RNF220: variants seen among roughly 807,000 people sequenced by gnomAD.
The protein encoded by RNF220 is ring finger protein 220.
A neutral mutation model predicts 67.1 loss-of-function variants in RNF220; 7 were observed. The ratio of observed to expected loss-of-function variants is 0.10; its 90% confidence interval spans 0.06 to 0.20. RNF220 has a LOEUF of 0.20. Among genes scored for constraint, RNF220 ranks in the 10% least tolerant of loss-of-function variants. The pLI, the probability that RNF220 is intolerant of heterozygous loss-of-function variation, is 1.00. For missense variants in RNF220, 565 were observed against 740.3 expected (o/e 0.76, Z 2.75); for synonymous variants, 270 against 283.2 (o/e 0.95, Z 0.47).
chr1:44,500,641 C>T (rs998406906), intron 2 of RNF220, among the ~76,000 whole-genome samples: 2 of 152,170 alleles, frequency 1.3e-5, no homozygotes, highest in African/African-American at 4.8e-5. Flanking sequence ...TAGACCTTTC[C>T]TCCCCAGCGG....
At chr1:44,625,032 A>T (rs200542243) in intron 4 of RNF220, among the ~76,000 whole-genome samples, 1 of 11,502 alleles carries the variant, frequency 8.7e-5, no homozygotes, top group Non-Finnish European at 1.6e-4. Flanking sequence ...AGAATGAGAG[A>T]GAGAGAGAGA....
At chr1:44,408,157 C>T (rs1265315400) in intron 1 of RNF220, among the ~76,000 whole-genome samples, 1 of 152,164 alleles carries the variant, frequency 6.6e-6, no homozygotes, top group African/African-American at 2.4e-5. Context: ...CTCTTCTTCC[C>T]CCGTTTTCCC....
At chr1:44,639,211 G>A (rs1398494413) in intron 8 of RNF220, among the ~76,000 whole-genome samples, 3 of 152,214 alleles carry the variant, frequency 2.0e-5, no homozygotes, top group Admixed American at 2.0e-4. Context: ...TCCACCTGTA[G>A]TCTAAGGAGG....
intron 2 of RNF220, among the ~76,000 whole-genome samples, chr1:44,551,421 T>TG (rs1304293385): frequency 6.6e-6 from 1 of 151,548 alleles, no homozygotes; most frequent in African/African-American, 2.4e-5. Flanking sequence ...GGCCATTTTT[T>TG]TTGTTATTAT....
chr1:44,411,961 T>G lies in RNF220; in HGVS notation c.-117-20T>G. On this transcript the variant is annotated intron_variant, in intron 1 of 14. Coordinates refer to ENST00000361799, the MANE Select transcript of RNF220 (RefSeq NM_018150.4). The stretch of plus-strand genomic sequence containing the variant: ...CTGACTTTCCTCCCCCTTCTTTTTT[T>G]CTCTTTGCTGTTTCTACAGGTCTTA... The G allele has an allele frequency of 1.0e-6, 1 of 984,924 alleles. No individual in the cohort carries two copies. The highest frequency in any genetic ancestry group is 3.1e-5 in the Admixed American group (1 of 31,976). 61.0% of individuals were successfully genotyped at this position (984,924 alleles called of 1,614,324 possible). A position where few individuals can be genotyped will look rare whatever the true frequency, so the allele number is the denominator to read the frequency against.
At chr1:44,550,589 G>A (rs1223479747) in intron 2 of RNF220, among the ~76,000 whole-genome samples, 1 of 152,176 alleles carries the variant, frequency 6.6e-6, no homozygotes, top group Non-Finnish European at 1.5e-5. Context: ...GATGCAGAAA[G>A]GTTGCTTTCC....
At chr1:44,426,624 G>T in intron 2 of RNF220, among the ~76,000 whole-genome samples, 1 of 151,932 alleles carries the variant, frequency 6.6e-6, no homozygotes, top group East Asian at 1.9e-4. Context: ...CTACCTGGGA[G>T]GCTAAGGCAG....
intron 2 of RNF220, among the ~76,000 whole-genome samples, chr1:44,588,217 C>T (rs186324338): frequency 3.5e-4 from 53 of 152,302 alleles, no homozygotes; most frequent in African/African-American, 1.2e-3. Context: ...CTCTGGGAGC[C>T]GGGCTGTTCT....
intron 2 of RNF220, among the ~76,000 whole-genome samples, chr1:44,517,693 T>C (rs765029890): frequency 1.4e-4 from 21 of 152,250 alleles, no homozygotes; most frequent in Admixed American, 3.3e-4. Context: ...TCATCAACAC[T>C]GTGCACAGCA....
At chr1:44,572,447 T>A (rs1400253693) in intron 2 of RNF220, among the ~76,000 whole-genome samples, 1 of 152,228 alleles carries the variant, frequency 6.6e-6, no homozygotes, top group Admixed American at 6.5e-5. Context: ...ATGCATCATG[T>A]GGTTCTGTAA....
intron 2 of RNF220, among the ~76,000 whole-genome samples, chr1:44,446,803 C>T (rs935836736): frequency 5.9e-5 from 9 of 152,204 alleles, no homozygotes; most frequent in African/African-American, 2.2e-4. Context: ...GTGATCTGCC[C>T]ACCTCGGCCT....
intron 2 of RNF220, among the ~76,000 whole-genome samples, chr1:44,568,910 CAGA>C (rs1302888143): frequency 8.0e-6 from 1 of 125,416 alleles, no homozygotes; most frequent in African/African-American, 3.2e-5. Context: ...GGTTTGGGTC[CAGA>C]CAGACTGGGT....
At chr1:44,413,451 T>C (rs973262995) in intron 2 of RNF220, among the ~76,000 whole-genome samples, 1 of 152,256 alleles carries the variant, frequency 6.6e-6, no homozygotes, top group East Asian at 1.9e-4. Context: ...AACAGCTTTT[T>C]TTCATGTTCT....
In RNF220 at chr1:44,650,193, G is replaced by A. The variant is rs369176776; in HGVS notation, c.1629+236G>A. 14 of 586,368 alleles carry A rather than the reference G, an allele frequency of 2.4e-5. No homozygotes were observed. Among genetic ancestry groups the A allele is most frequent in the African/African-American group, 9.4e-5 (5 of 53,400 alleles). 36.3% of individuals were successfully genotyped at this position (586,368 alleles called of 1,614,324 possible). A position where few individuals can be genotyped will look rare whatever the true frequency, so the allele number is the denominator to read the frequency against. On this transcript the variant is annotated intron_variant, in intron 14 of 14. Coordinates refer to ENST00000361799, the MANE Select transcript of RNF220 (RefSeq NM_018150.4). The surrounding 1 kb of genome is among the most constrained non-coding windows in gnomAD (Gnocchi z 4.3). ...GAGTTCACTGCATTCTCCCTTCCCCGCCCCGGTCCCCGAAGGCCCACTGCA... is the reference window on the plus strand; with the variant it reads ...GAGTTCACTGCATTCTCCCTTCCCCACCCCGGTCCCCGAAGGCCCACTGCA...
chr1:44,451,528 A>G (rs1652683341), intron 2 of RNF220, among the ~76,000 whole-genome samples: 1 of 152,110 alleles, frequency 6.6e-6, no homozygotes, highest in Admixed American at 6.6e-5. Flanking sequence ...TCTCTGTGAT[A>G]TGTGTTGCAA....
At chr1:44,485,742 C>T (rs1227603231) in intron 2 of RNF220, among the ~76,000 whole-genome samples, 2 of 152,162 alleles carry the variant, frequency 1.3e-5, no homozygotes, top group Admixed American at 1.3e-4. Flanking sequence ...GCACCGTTTG[C>T]TTGTAATGTG....
intron 2 of RNF220, among the ~76,000 whole-genome samples, chr1:44,607,690 T>C (rs1036355243): frequency 2.0e-5 from 3 of 151,654 alleles, no homozygotes; most frequent in Non-Finnish European, 4.4e-5. Flanking sequence ...GGGGTTTCAC[T>C]GTGTTAGCCA....
chr1:44,530,473 G>A (rs184282288), intron 2 of RNF220, among the ~76,000 whole-genome samples: 23 of 150,370 alleles, frequency 1.5e-4, no homozygotes, highest in African/African-American at 4.2e-4. Flanking sequence ...ACGTAGATGC[G>A]CAATGCTGAT....
intron 2 of RNF220, among the ~76,000 whole-genome samples, chr1:44,611,417 G>A (rs1643301384): frequency 6.6e-6 from 1 of 152,200 alleles, no homozygotes; most frequent in African/African-American, 2.4e-5. Flanking sequence ...CTAAGAACCA[G>A]ACTTGGTGTA....
Sources: allele counts gnomAD v4.1 joint callset (sites outside exome capture counted in the v4.1 genomes callset), GRCh38; gene constraint gnomAD v4.1.1; non-coding constraint Gnocchi (gnomAD v3.1); transcripts MANE v1.5; gene names NCBI Gene and HGNC (gene_info 2026-07-23, HGNC 2026-07-21).